The following DOCK2 variants were observed in gnomAD, a reference collection of about 807,000 sequenced individuals.
The protein encoded by DOCK2 is dedicator of cytokinesis 2.
In DOCK2, 87 loss-of-function variants were observed where a neutral mutation model predicts 248.9. That is an observed-to-expected ratio of 0.35 (90% CI 0.29 to 0.42). The LOEUF is 0.42. Among genes scored for constraint, DOCK2 ranks in the 10% least tolerant of loss-of-function variants. DOCK2 has a pLI of 1.00. For missense variants in DOCK2, 1,747 were observed against 2,300.2 expected (o/e 0.76, Z 4.92); for synonymous variants, 805 against 821.6 (o/e 0.98, Z 0.35).
chr5:169,708,008 G>A (rs538010703), intron 14 of DOCK2, among the ~76,000 whole-genome samples, 161 bp from the exon 15 acceptor site: 2 of 152,324 alleles, frequency 1.3e-5, no homozygotes, highest in East Asian at 1.9e-4. Flanking sequence ...GTGTAAATCT[G>A]TAATAGAGAA....
intron 22 of DOCK2, among the ~76,000 whole-genome samples, chr5:169,746,465 T>C (rs1220803372): frequency 6.6e-6 from 1 of 152,188 alleles, no homozygotes; most frequent in Non-Finnish European, 1.5e-5. Context: ...CCGGGCACAC[T>C]GAGGAGCTTT....
At chr5:169,779,702 C>A (rs1241688219) in intron 25 of DOCK2, among the ~76,000 whole-genome samples, 2 of 152,044 alleles carry the variant, frequency 1.3e-5, no homozygotes, top group African/African-American at 2.4e-5. Context: ...CCCCACCCCA[C>A]CCCCGCATCA....
chr5:169,716,176 G>A (rs1479581647), intron 19 of DOCK2, 37 bp from the exon 20 acceptor site: 4 of 1,592,230 alleles, frequency 2.5e-6, no homozygotes, highest in South Asian at 1.1e-5. Context: ...ACTTTGTCTT[G>A]TTTCTGAAGT....
In DOCK2 at chr5:169,759,919, C is replaced by T. The variant is rs369502718; in HGVS notation, c.2447+144C>T. The T allele has an allele frequency of 2.5e-4, 214 of 843,764 alleles. 1 individual carries two copies. The highest frequency in any genetic ancestry group is 2.1e-3 in the Middle Eastern group (7 of 3,386). The allele number at this position is 843,764 out of a possible 1,614,324, so 52.3% of individuals were successfully genotyped here. A position where few individuals can be genotyped will look rare whatever the true frequency, so the allele number is the denominator to read the frequency against. ...TGGCAGGGGATGTTTTCAGGGTTTCCGGTGTGGTATTTTTACCTTTTGGTT... is the reference window on the plus strand; with the variant it reads ...TGGCAGGGGATGTTTTCAGGGTTTCTGGTGTGGTATTTTTACCTTTTGGTT... On this transcript the variant is annotated intron_variant, in intron 24 of 51. Transcript: ENST00000520908.
chr5:169,657,402 T>G (rs1033665438), intron 2 of DOCK2, among the ~76,000 whole-genome samples: 3 of 152,230 alleles, frequency 2.0e-5, no homozygotes, highest in Non-Finnish European at 4.4e-5. Context: ...CCGTGAAACC[T>G]TCTTACAGAA....
chr5:169,980,521 T>C (rs1777903940), intron 27 of DOCK2: 1 of 151,940 alleles, frequency 6.6e-6, no homozygotes, highest in Non-Finnish European at 1.5e-5. Flanking sequence ...GCTGAATTCT[T>C]TAAGGAAGGG....
intron 13 of DOCK2, among the ~76,000 whole-genome samples, chr5:169,700,351 C>T (rs1336312808): frequency 6.6e-6 from 1 of 152,000 alleles, no homozygotes; most frequent in Non-Finnish European, 1.5e-5. Context: ...TAAACACATA[C>T]CCCTTCTCCC....
chr5:170,019,091 A>G lies in DOCK2; in HGVS notation c.3364A>G (p.Ser1122Gly). 6.2e-7 allele frequency: 1 copy of G among 1,614,090 alleles called. No individual in the cohort carries two copies. The highest frequency in any genetic ancestry group is 8.5e-7 in the Non-Finnish European group (1 of 1,179,948). The change falls in exon 33 of 52, where the codon AGT becomes GGT. Residue 1122 changes from serine (S) to glycine (G), a missense_variant. Physicochemically the swap from Ser to Gly is moderately conservative, Grantham distance 56 (BLOSUM62 0). This residue lies in a region of DOCK2 where 858 missense variants were observed against 1,183.5 expected (regional missense o/e 0.72). Transcript: ENST00000520908. The part of the protein sequence containing the change: ...FDMMLCEYQR[S>G]GDFKKFENEI... The stretch of plus-strand genomic sequence containing the variant: ...CATGATGCTGTGTGAATATCAAAGA[A>G]GTGGGGATTTCAAAAAGGTAAAAAA...
intron 27 of DOCK2, among the ~76,000 whole-genome samples, chr5:169,954,628 G>A (rs1013660515): frequency 2.0e-5 from 3 of 152,240 alleles, no homozygotes; most frequent in Non-Finnish European, 4.4e-5. Context: ...GTCCAAGGAG[G>A]GGAGTGACTT....
chr5:169,913,434 G>T (rs1774713298), intron 27 of DOCK2, among the ~76,000 whole-genome samples: 1 of 152,152 alleles, frequency 6.6e-6, no homozygotes, highest in South Asian at 2.1e-4. Context: ...AATAGAACAA[G>T]CTCATTGCCA....
At chr5:169,914,040 A>C (rs1448322664) in intron 27 of DOCK2, among the ~76,000 whole-genome samples, 1 of 152,218 alleles carries the variant, frequency 6.6e-6, no homozygotes, top group African/African-American at 2.4e-5. Flanking sequence ...AAAGATGTTT[A>C]CTAAAGATGC....
chr5:170,078,924 T>C (rs747770955), intron 48 of DOCK2, 51 bp from the exon 49 acceptor site: 1 of 1,604,362 alleles, frequency 6.2e-7, no homozygotes, highest in Non-Finnish European at 8.5e-7. Flanking sequence ...GCAAGGCAGT[T>C]CTACTGAAGC....
intron 44 of DOCK2, among the ~76,000 whole-genome samples, chr5:170,062,543 G>A (rs1581567791): frequency 6.6e-6 from 1 of 152,154 alleles, no homozygotes; most frequent in African/African-American, 2.4e-5. Flanking sequence ...TTCTCTCCCT[G>A]TGGAGAGGAG....
At chr5:169,713,266 T>C (rs1761688286) in intron 17 of DOCK2, among the ~76,000 whole-genome samples, 1 of 152,192 alleles carries the variant, frequency 6.6e-6, no homozygotes, top group Admixed American at 6.5e-5. Flanking sequence ...TTACCCCCAT[T>C]AGGTCCCAGT....
intron 19 of DOCK2, among the ~76,000 whole-genome samples, 168 bp downstream of exon 19, chr5:169,714,625 G>A (rs776594208): frequency 1.8e-4 from 28 of 152,094 alleles, no homozygotes; most frequent in Non-Finnish European, 4.0e-4. Context: ...GGAAATCCAG[G>A]GGAGTGACTT....
At chr5:169,852,943 G>A (rs1770691625) in intron 27 of DOCK2, among the ~76,000 whole-genome samples, 2 of 152,160 alleles carry the variant, frequency 1.3e-5, no homozygotes, top group African/African-American at 4.8e-5. Context: ...GTTGTTGAGG[G>A]TCTGACAATT....
At chr5:170,012,056 G>C (rs558246401) in intron 32 of DOCK2, among the ~76,000 whole-genome samples, 5 of 152,196 alleles carry the variant, frequency 3.3e-5, no homozygotes, top group African/African-American at 1.2e-4. Context: ...GTTGCCAGAC[G>C]AGGCCAAGAG....
At chr5:169,915,470 T>C (rs550923412) in intron 27 of DOCK2, among the ~76,000 whole-genome samples, 17 of 152,122 alleles carry the variant, frequency 1.1e-4, no homozygotes, top group African/African-American at 4.1e-4. Context: ...ATGTAACTAA[T>C]ATATTGAATC....
chr5:169,823,214 C>T (rs1358065974), intron 26 of DOCK2, among the ~76,000 whole-genome samples: 1 of 152,180 alleles, frequency 6.6e-6, no homozygotes, highest in Non-Finnish European at 1.5e-5. Context: ...GATACCATTC[C>T]TTCTGAAACT....
Sources: allele counts gnomAD v4.1 joint callset (sites outside exome capture counted in the v4.1 genomes callset), GRCh38; gene constraint gnomAD v4.1.1; regional missense constraint gnomAD v4.1.1; transcripts MANE v1.5; gene names NCBI Gene and HGNC (gene_info 2026-07-23, HGNC 2026-07-21).